HIBADH: variants seen among roughly 807,000 people sequenced by gnomAD.
HIBADH encodes 3-hydroxyisobutyrate dehydrogenase, mitochondrial.
In HIBADH, 25 loss-of-function variants were observed where a neutral mutation model predicts 36.1. That is an observed-to-expected ratio of 0.69 (90% confidence interval 0.50 to 0.97). The LOEUF (loss-of-function observed/expected upper bound fraction) is 0.97, where lower values mean the gene tolerates loss of function less well. Among genes scored for constraint, HIBADH ranks in the 50% least tolerant of loss-of-function variants. The probability of loss-of-function intolerance (pLI) is 0.00; values close to 1 mark genes in which losing one functional copy is unlikely to be tolerated. For synonymous variants in HIBADH, 160 were observed against 149.5 expected (o/e 1.07, Z -0.51); for missense variants, 421 against 418.0 (o/e 1.01, Z -0.06).
intron 4 of HIBADH, among the ~76,000 whole-genome samples, chr7:27,570,470 G>A (rs533706106): frequency 6.6e-6 from 1 of 152,202 alleles, no homozygotes; most frequent in East Asian, 1.9e-4. Flanking sequence ...ATTTTTACAC[G>A]ATATTCTAGA....
chr7:27,568,461 C>G (rs1306772509), intron 4 of HIBADH, among the ~76,000 whole-genome samples: 1 of 151,274 alleles, frequency 6.6e-6, no homozygotes, highest in African/African-American at 2.4e-5. Flanking sequence ...TTTAAATAGC[C>G]TTTTATTTTT....
intron 4 of HIBADH, among the ~76,000 whole-genome samples, chr7:27,568,368 G>GT (rs1361504151): frequency 6.6e-6 from 1 of 151,864 alleles, no homozygotes; most frequent in South Asian, 2.1e-4. Flanking sequence ...TGGCCTACAT[G>GT]TTTTTTTCTG....
At chr7:27,599,188 C>T (rs201179981) in intron 4 of HIBADH, among the ~76,000 whole-genome samples, 89 of 152,066 alleles carry the variant, frequency 5.9e-4, no homozygotes, top group East Asian at 3.9e-3. Context: ...CCAATTAGTC[C>T]GTCAGAGTTG....
At chr7:27,546,477 A>G (rs895448632) in intron 4 of HIBADH, among the ~76,000 whole-genome samples, 1 of 152,072 alleles carries the variant, frequency 6.6e-6, no homozygotes, top group Admixed American at 6.6e-5. Flanking sequence ...TGAAGTGGGC[A>G]TTTTCCTATT....
At chr7:27,529,344 A>C (rs1021317509) in intron 7 of HIBADH, among the ~76,000 whole-genome samples, 1 of 152,198 alleles carries the variant, frequency 6.6e-6, no homozygotes, top group Non-Finnish European at 1.5e-5. Context: ...TGGGCAGAGT[A>C]AACTGAAACC....
chr7:27,584,816 C>T (rs535235198), intron 4 of HIBADH, among the ~76,000 whole-genome samples: 27 of 152,108 alleles, frequency 1.8e-4, no homozygotes, highest in African/African-American at 4.6e-4. Context: ...GTTAAGAATA[C>T]GATACCACTG....
intron 4 of HIBADH, among the ~76,000 whole-genome samples, chr7:27,546,181 CAG>C (rs1283738573): frequency 2.6e-5 from 4 of 152,268 alleles, no homozygotes; most frequent in Admixed American, 2.0e-4. Context: ...TAGCTCACTG[CAG>C]CCTCAACTTC....
chr7:27,570,339 A>AT (rs1469818230), intron 4 of HIBADH, among the ~76,000 whole-genome samples: 1 of 152,144 alleles, frequency 6.6e-6, no homozygotes, highest in Non-Finnish European at 1.5e-5. Context: ...AGTTACTTGT[A>AT]TTTTGATGAT....
chr7:27,636,811 C>A (rs1317331917), intron 2 of HIBADH, among the ~76,000 whole-genome samples: 1 of 152,170 alleles, frequency 6.6e-6, no homozygotes, highest in Non-Finnish European at 1.5e-5. Context: ...AAACCAGTAT[C>A]TTCTGCAAAA....
Position 27,662,791 on chromosome 7 carries a change from TGC to T in HIBADH, c.-5_-4del. The T allele has an allele frequency of 6.8e-7, 1 of 1,465,598 alleles. No individual in the cohort carries two copies. Among genetic ancestry groups the T allele is most frequent in the South Asian group, 1.3e-5 (1 of 75,546 alleles). The allele number at this position is 1,465,598 out of a possible 1,614,324, so 90.8% of individuals were successfully genotyped here. A position where few individuals can be genotyped will look rare whatever the true frequency, so the allele number is the denominator to read the frequency against. On this transcript the variant is annotated 5_prime_UTR_variant, in exon 1 of 8. Coordinates refer to ENST00000265395, the MANE Select transcript of HIBADH (RefSeq NM_152740.4). ...AGGAGCCGTAAGGAGGCTGCCATGC[TGC>T]GCCCGCCCCTCTCCCCGCGGTGACC... is the stretch of plus-strand genomic sequence containing the variant.
chr7:27,659,152 A>G (rs958546842), intron 1 of HIBADH, among the ~76,000 whole-genome samples: 3 of 152,214 alleles, frequency 2.0e-5, no homozygotes, highest in Non-Finnish European at 4.4e-5. Flanking sequence ...ACATGATGCT[A>G]ATTTTTCCAT....
chr7:27,661,198 T>C (rs988052603), intron 1 of HIBADH, among the ~76,000 whole-genome samples: 42 of 152,320 alleles, frequency 2.8e-4, no homozygotes, highest in Admixed American at 1.2e-3. Flanking sequence ...ATCAGACATC[T>C]GGTCTCTTGC....
intron 6 of HIBADH, among the ~76,000 whole-genome samples, chr7:27,533,979 T>C (rs1784036577): frequency 6.6e-6 from 1 of 152,130 alleles, no homozygotes. Context: ...GGTTCGAGAG[T>C]GCATGCGTGC....
intron 6 of HIBADH, among the ~76,000 whole-genome samples, chr7:27,538,001 ATT>A (rs1784091529): frequency 6.6e-6 from 1 of 152,228 alleles, no homozygotes; most frequent in African/African-American, 2.4e-5. Context: ...TTGTCCCAAC[ATT>A]GCCAAAGTAT....
chr7:27,635,425 G>A (rs1034023311), intron 2 of HIBADH, among the ~76,000 whole-genome samples: 4 of 152,244 alleles, frequency 2.6e-5, no homozygotes, highest in Admixed American at 6.5e-5. Context: ...CCAGAGACCC[G>A]GGTTAAGTTG....
intron 4 of HIBADH, among the ~76,000 whole-genome samples, chr7:27,546,111 A>G (rs1784232463): frequency 6.6e-6 from 1 of 151,918 alleles, no homozygotes; most frequent in Admixed American, 6.6e-5. Context: ...AATGCTATTT[A>G]TTTATTTATT....
At chr7:27,585,804 C>T (rs1261988460) in intron 4 of HIBADH, among the ~76,000 whole-genome samples, 1 of 151,994 alleles carries the variant, frequency 6.6e-6, no homozygotes, top group Non-Finnish European at 1.5e-5. Context: ...CTAGAGTTTT[C>T]CTGCCCTTAA....
chr7:27,525,687 G>C lies in HIBADH; in HGVS notation c.*527C>G, dbSNP rs1171110437. On this transcript the variant is annotated 3_prime_UTR_variant, in exon 8 of 8. Coordinates refer to ENST00000265395, the MANE Select transcript of HIBADH (RefSeq NM_152740.4). ...ACGGAGTCCAAATAGAAAACATGCA[G>C]CAACAGTTCTCCTGCTTTATCAGCT... 2.0e-5 allele frequency: 3 copies of C among 152,182 alleles called. No individual in the cohort carries two copies. The highest frequency in any genetic ancestry group is 7.2e-5 in the African/African-American group (3 of 41,442). 9.4% of individuals were successfully genotyped at this position (152,182 alleles called of 1,614,324 possible).
At chr7:27,539,207 G>C (rs992481662) in intron 5 of HIBADH, among the ~76,000 whole-genome samples, 3 of 152,112 alleles carry the variant, frequency 2.0e-5, no homozygotes, top group African/African-American at 7.2e-5. Flanking sequence ...ATGTTGGACA[G>C]AGTGGTAAAT....
Sources: allele counts gnomAD v4.1 joint callset (sites outside exome capture counted in the v4.1 genomes callset), GRCh38; gene constraint gnomAD v4.1.1; transcripts MANE v1.5; gene names NCBI Gene and HGNC (gene_info 2026-07-23, HGNC 2026-07-21).